GSAP: variants seen among roughly 807,000 people sequenced by gnomAD.
GSAP encodes gamma-secretase-activating protein.
In GSAP, 118 loss-of-function variants were observed where a neutral mutation model predicts 131.7. That is an observed-to-expected ratio of 0.90 (90% CI 0.77 to 1.04). GSAP has a LOEUF of 1.04. Ranked by LOEUF, GSAP falls within the 50% of genes least tolerant of loss-of-function variation. The pLI, the probability that GSAP is intolerant of heterozygous loss-of-function variation, is 0.00. For synonymous variants in GSAP, 381 were observed against 363.4 expected (o/e 1.05, Z -0.55); for missense variants, 1,019 against 1,013.2 (o/e 1.01, Z -0.08).
intron 18 of GSAP, chr7:77,351,646 G>A: frequency 1.0e-6 from 1 of 985,528 alleles, no homozygotes; most frequent in Non-Finnish European, 1.2e-6. Flanking sequence ...ACTTCCTGAT[G>A]TCACCCTGTG....
chr7:77,312,636 C>A (rs1794521850), intron 28 of GSAP, among the ~76,000 whole-genome samples: 2 of 152,214 alleles, frequency 1.3e-5, no homozygotes, highest in African/African-American at 4.8e-5. Context: ...AAATATTCAG[C>A]AATGTTTCCC....
At chr7:77,311,560 G>A in intron 30 of GSAP, 111 bp from the exon 31 acceptor site, 1 of 621,844 alleles carries the variant, frequency 1.6e-6, no homozygotes, top group Non-Finnish European at 2.8e-6. Context: ...TTAGTAAAAT[G>A]AATTTTTTAA....
chr7:77,376,775 C>CAAAAAAAA lies in GSAP; in HGVS notation c.741+65_741+72dup, dbSNP rs10649095. ...TGTGCGACAGAGTGAGACTCCATCTCAAAAAAAAAAAAAAAAAAAAGAGAG... is the reference window on the plus strand; with the variant it reads ...TGTGCGACAGAGTGAGACTCCATCTCAAAAAAAAAAAAAAAAAAAAAAAAAAAAGAGAG... On this transcript the variant is annotated intron_variant, in intron 10 of 30. Transcript: ENST00000257626. The CAAAAAAAA allele has an allele frequency of 6.2e-5, 28 of 453,576 alleles. 1 individual carries two copies. The highest frequency in any genetic ancestry group is 5.6e-4 in the Middle Eastern group (1 of 1,786). 28.1% of individuals were successfully genotyped at this position (453,576 alleles called of 1,614,324 possible).
rs879384876 is a variant in GSAP, at chr7:77,325,098, G to A, written c.1827+1114C>T. Among the ~76,000 whole-genome samples, 33 of 152,108 alleles carry A rather than the reference G, an allele frequency of 2.2e-4. 1 individual carries two copies. Among genetic ancestry groups the A allele is most frequent in the Non-Finnish European group, 4.4e-4 (30 of 68,014 alleles). On this transcript the variant is annotated intron_variant, in intron 23 of 30. Coordinates refer to ENST00000257626, the MANE Select transcript of GSAP (RefSeq NM_017439.4). ...CCCAAAGTGCTGGGATAACAGGTGTGAGCAACAGTGCCCAGCCATGTTTGC... is the reference window on the plus strand; with the variant it reads ...CCCAAAGTGCTGGGATAACAGGTGTAAGCAACAGTGCCCAGCCATGTTTGC...
intron 3 of GSAP, among the ~76,000 whole-genome samples, chr7:77,402,753 GGTTT>G (rs943954317): frequency 6.6e-6 from 1 of 150,380 alleles, no homozygotes; most frequent in Non-Finnish European, 1.5e-5. Context: ...AGAAGGGGAG[GGTTT>G]GTTTAGCGAC....
At chr7:77,320,844 T>C (rs766851407) in intron 25 of GSAP, 25 bp from the exon 26 acceptor site, 17 of 1,463,554 alleles carry the variant, frequency 1.2e-5, no homozygotes, top group Non-Finnish European at 1.6e-5. Flanking sequence ...CAAAGCAGCA[T>C]GTCAGCCAAG....
rs141453913 is a variant in GSAP, at chr7:77,349,736, A to C, written c.1492-332T>G. On this transcript the variant is annotated intron_variant, in intron 18 of 30. Coordinates refer to ENST00000257626, the MANE Select transcript of GSAP (RefSeq NM_017439.4). ...AATGAGGCAAATTATGTTTGCACCA[A>C]ATGTAACGATAAAGGGGAAATGTTT... is the stretch of plus-strand genomic sequence containing the variant. Among the ~76,000 whole-genome samples the C allele has an allele frequency of 5.8e-3, 886 of 152,302 alleles. 9 individuals are homozygous for C. Among genetic ancestry groups the C allele is most frequent in the African/African-American group, 0.02 (840 of 41,546 alleles).
intron 24 of GSAP, 25 bp from the exon 25 acceptor site, chr7:77,321,428 A>G: frequency 6.7e-7 from 1 of 1,492,850 alleles, no homozygotes; most frequent in Non-Finnish European, 9.3e-7. Flanking sequence ...CAGTCCATTA[A>G]CCATTGCTCC....
chr7:77,323,860 G>C, intron 23 of GSAP, 118 bp from the exon 24 acceptor site: 1 of 527,496 alleles, frequency 1.9e-6, no homozygotes, highest in Non-Finnish European at 3.4e-6. Context: ...GGATCTGAAG[G>C]TCCCATCAAT....
At chr7:77,357,037 C>G (rs921524720) in intron 14 of GSAP, among the ~76,000 whole-genome samples, 24 of 152,276 alleles carry the variant, frequency 1.6e-4, no homozygotes, top group Middle Eastern at 3.4e-3. Flanking sequence ...GAAAGGGTAT[C>G]GGCATCAAAT....
At chr7:77,412,104 G>A (rs188815378) in intron 1 of GSAP, among the ~76,000 whole-genome samples, 36 of 152,296 alleles carry the variant, frequency 2.4e-4, no homozygotes, top group African/African-American at 7.0e-4. Context: ...GCTTGAACCC[G>A]GGAGGTGGAG....
At chr7:77,385,469 T>C (rs1048392182) in intron 6 of GSAP, among the ~76,000 whole-genome samples, 6 of 152,236 alleles carry the variant, frequency 3.9e-5, no homozygotes, top group Non-Finnish European at 7.3e-5. Flanking sequence ...TTTTCCCCTT[T>C]CTATGCTCCA....
chr7:77,331,909 A>C (rs76928378), intron 19 of GSAP: 1 of 151,980 alleles, frequency 6.6e-6, no homozygotes, highest in Non-Finnish European at 1.5e-5. Context: ...AAAAAAAAAA[A>C]AAGACAAGAC....
intron 26 of GSAP, among the ~76,000 whole-genome samples, chr7:77,317,927 T>C (rs531448606): frequency 6.6e-6 from 1 of 152,214 alleles, no homozygotes; most frequent in Non-Finnish European, 1.5e-5. Flanking sequence ...CCCTCACAAA[T>C]GGTCCCTTTC....
chr7:77,344,381 C>A (rs753572966), intron 19 of GSAP, among the ~76,000 whole-genome samples: 1 of 152,168 alleles, frequency 6.6e-6, no homozygotes, highest in African/African-American at 2.4e-5. Flanking sequence ...ACCACTTGCC[C>A]TTCTCAGAAT....
chr7:77,377,240 A>AT (rs1203100299), intron 9 of GSAP, 46 bp downstream of exon 9: 2 of 1,140,220 alleles, frequency 1.8e-6, no homozygotes, highest in Admixed American at 6.3e-5. Context: ...ATTTTTGTAA[A>AT]AAAAAAAAAA....
At chr7:77,383,881 C>T (rs1432690984) in intron 6 of GSAP, among the ~76,000 whole-genome samples, 1 of 152,154 alleles carries the variant, frequency 6.6e-6, no homozygotes, top group Non-Finnish European at 1.5e-5. Context: ...TTCCTAGTGT[C>T]CTACCTTTGC....
intron 3 of GSAP, among the ~76,000 whole-genome samples, chr7:77,397,757 C>T (rs562062165): frequency 1.9e-4 from 29 of 152,254 alleles, no homozygotes; most frequent in African/African-American, 6.5e-4. Context: ...CTCTATCCCC[C>T]CATTGGTAAA....
chr7:77,405,311 T>A (rs1202396467), intron 2 of GSAP, among the ~76,000 whole-genome samples: 1 of 142,216 alleles, frequency 7.0e-6, no homozygotes, highest in African/African-American at 3.1e-5. Context: ...AAAAACAAAA[T>A]AATAATAATG....
Sources: allele counts gnomAD v4.1 joint callset (sites outside exome capture counted in the v4.1 genomes callset), GRCh38; gene constraint gnomAD v4.1.1; transcripts MANE v1.5; gene names NCBI Gene and HGNC (gene_info 2026-07-23, HGNC 2026-07-21).